The following PKD1 variants were observed in gnomAD, a reference collection of about 807,000 sequenced individuals.
PKD1 encodes polycystin-1.
Under a neutral mutation model 361.7 loss-of-function variants are expected in PKD1, and 81 were observed. The ratio of observed to expected loss-of-function variants is 0.22; its 90% CI spans 0.19 to 0.27. The LOEUF (loss-of-function observed/expected upper bound fraction) is 0.27, where lower values mean the gene tolerates loss of function less well. Among genes scored for constraint, PKD1 ranks in the 10% least tolerant of loss-of-function variants. The pLI is 1.00. For missense variants in PKD1, 6,399 were observed against 6,118.3 expected, an observed-to-expected ratio of 1.05 and a Z score of -1.53; for synonymous variants, 3,615 against 2,818.3, an observed-to-expected ratio of 1.28 and a Z score of -8.95.
At chr16:2,095,656 G>A (rs917098114) in intron 34 of PKD1, among the ~76,000 whole-genome samples, 1 of 152,232 alleles carries the variant, frequency 6.6e-6, no homozygotes, top group African/African-American at 2.4e-5. Flanking sequence ...GGAGGCTGCA[G>A]TGAGGAAGGA....
At position 2,090,995 on chromosome 16, in the gene PKD1, G is replaced by A. The variant is rs1596476496; in HGVS notation, c.11892C>T (p.Thr3964=). 1.3e-6 allele frequency: 2 copies of A among 1,535,456 alleles called. No individual in the cohort carries two copies. The highest frequency in any genetic ancestry group is 8.7e-7 in the Non-Finnish European group (1 of 1,146,546). The change falls in exon 43 of 46, where the codon ACC becomes ACT. Residue 3964 remains threonine, a synonymous_variant. Coordinates refer to ENST00000262304, the MANE Select transcript of PKD1 (RefSeq NM_001009944.3). The stretch of plus-strand genomic sequence containing the variant: ...GGCGCGGGCGGCCGCGCACGAAACG[G>A]GTCCACTGGCGGTCAGCGGCACCCA... ...AQLGAADRQW[T]RFVRGRPRRF... is the part of the protein sequence containing the mutation.
At chr16:2,097,265 T>C in intron 33 of PKD1, 24 bp from the exon 34 acceptor site, 1 of 1,602,192 alleles carries the variant, frequency 6.2e-7, no homozygotes, top group Non-Finnish European at 8.5e-7. Flanking sequence ...AGGCATAGGG[T>C]GGGCCCAGCT....
At chr16:2,125,224 GC>G (rs770237868) in intron 1 of PKD1, among the ~76,000 whole-genome samples, 12 of 152,220 alleles carry the variant, frequency 7.9e-5, no homozygotes, top group Non-Finnish European at 1.6e-4. Context: ...AAACAGTGCA[GC>G]CCCGGGCTGG....
At position 2,100,655 on chromosome 16, in the gene PKD1, C is replaced by T. The variant is rs1196609285; in HGVS notation, c.9398-89G>A. On this transcript the variant is annotated intron_variant, in intron 26 of 45. Transcript: ENST00000262304. The surrounding 1 kb of genome is among the most constrained non-coding windows in gnomAD (Gnocchi z 4.4). ...CAAGTCATCTCAGCTTTGGCCTGTG[C>T]GCACTCAAGGAGCCACACAGGCAGT... 3.8e-5 allele frequency: 45 copies of T among 1,181,298 alleles called. No individual in the cohort carries two copies. The highest frequency in any genetic ancestry group is 2.4e-4 in the South Asian group (19 of 78,988). 73.2% of individuals were successfully genotyped at this position (1,181,298 alleles called of 1,614,324 possible).
Position 2,114,328 on chromosome 16 carries a change from G to C in PKD1, c.2695C>G (p.Leu899Val), listed in dbSNP as rs754346831. 5.0e-5 allele frequency: 81 copies of C among 1,610,432 alleles called. No individual in the cohort carries two copies. The highest frequency in any genetic ancestry group is 2.2e-4 in the Middle Eastern group (1 of 4,452). ...TNDTLFSVVA[L>V]PWLSEGEHVV... Reference sequence around the variant, plus strand: ...TGCTCCCCCTCACTGAGCCACGGCAGTGCTACCACTGAGAACAGGGTATCG... The same window carrying C: ...TGCTCCCCCTCACTGAGCCACGGCACTGCTACCACTGAGAACAGGGTATCG... Residue 899 changes from leucine (L) to valine (V), a missense_variant, in exon 11 of 46, where the codon CTG (leucine) becomes GTG (valine). Leu to Val is a conservative substitution (Grantham distance 32). Transcript: ENST00000262304.
Position 2,109,547 on chromosome 16 carries a change from A to C in PKD1, c.5620T>G (p.Trp1874Gly). 4 of 1,611,494 alleles carry C rather than the reference A, an allele frequency of 2.5e-6. No individual in the cohort carries two copies. The highest frequency in any genetic ancestry group is 1.7e-4 in the Middle Eastern group (1 of 5,738). ...IRLNASNAVSWVSATYNLTAE... is the reference protein window; with the variant it reads ...IRLNASNAVSGVSATYNLTAE... Reference sequence around the variant, plus strand: ...GTGAGGTTGTACGTGGCTGAGACCCAGCTGACTGCGTTGGAGGCATTGAGC... The same window carrying C: ...GTGAGGTTGTACGTGGCTGAGACCCCGCTGACTGCGTTGGAGGCATTGAGC... Residue 1874 changes from tryptophan (W) to glycine (G), a missense_variant, in exon 15 of 46, where the codon TGG becomes GGG. Trp to Gly is a radical substitution (Grantham distance 184). Coordinates refer to ENST00000262304, the MANE Select transcript of PKD1 (RefSeq NM_001009944.3).
chr16:2,124,824 C>A (rs181588637), intron 1 of PKD1, among the ~76,000 whole-genome samples: 2 of 152,224 alleles, frequency 1.3e-5, no homozygotes, highest in East Asian at 3.9e-4. Flanking sequence ...GGGCCGCCTG[C>A]GGAGCTTATG....
chr16:2,132,974 G>C (rs564434615), intron 1 of PKD1: 1 of 151,642 alleles, frequency 6.6e-6, no homozygotes, highest in South Asian at 2.1e-4. Flanking sequence ...CCAGCTACTC[G>C]GGAGGCTGAG....
At chr16:2,091,358 G>C in intron 42 of PKD1, 65 bp downstream of exon 42, 1 of 918,292 alleles carries the variant, frequency 1.1e-6, no homozygotes, top group Non-Finnish European at 1.3e-6. Context: ...TGCCGGGGCG[G>C]GGCCCCGCGA....
Position 2,090,122 on chromosome 16 carries a change from G to A in PKD1, c.12517C>T (p.Pro4173Ser), listed in dbSNP as rs747648573. Residue 4173 changes from proline to serine, a missense_variant, in exon 46 of 46, where the codon CCG (proline) becomes TCG (serine). By Grantham distance (74) the Pro-to-Ser change is moderately conservative. Coordinates refer to ENST00000262304, the MANE Select transcript of PKD1 (RefSeq NM_001009944.3). ...CCAGCGCTGGGTGGGGGCACATCCG[G>A]GGATACCTTGGAGCCCCTGGAGGAG... is the stretch of plus-strand genomic sequence containing the variant. ...SRSSRGSKVS[P>S]DVPPPSAGSD... The A allele has an allele frequency of 1.1e-5, 18 of 1,599,712 alleles. No homozygotes were observed. In the Admixed American group the frequency reaches 2.4e-4, roughly 21 times the overall value.
Position 2,110,024 on chromosome 16 carries a change from C to T in PKD1, c.5143G>A (p.Val1715Met), listed in dbSNP as rs771150410. 25 of 1,610,502 alleles carry T rather than the reference C, an allele frequency of 1.6e-5. 1 individual carries two copies. The highest frequency in any genetic ancestry group is 9.9e-5 in the South Asian group (9 of 90,966). Residue 1715 changes from valine to methionine, a missense_variant, in exon 15 of 46, where the codon GTG becomes ATG. Val to Met is a conservative substitution (Grantham distance 21). Transcript: ENST00000262304. ...SAWADCTMDF[V>M]EPVGWLMVAA... ...ACCATCAGCCACCCCACAGGCTCCA[C>T]GAAGTCCATGGTGCAGTCGGCCCAG... is the stretch of plus-strand genomic sequence containing the variant.
intron 1 of PKD1, among the ~76,000 whole-genome samples, chr16:2,125,115 GCTC>G (rs1364623785): frequency 1.3e-5 from 2 of 152,260 alleles, no homozygotes; most frequent in Non-Finnish European, 2.9e-5. Context: ...TCTGCGCTGT[GCTC>G]CTTTCTATTT....
In PKD1 at chr16:2,090,011, G is replaced by A. The variant is rs1310339354; in HGVS notation, c.12628C>T (p.Pro4210Ser). Residue 4210 changes from proline to serine, a missense_variant, in exon 46 of 46, where the codon CCT becomes TCT. Transcript: ENST00000262304. ...ACGGCTTGGAGGCGGGAGGGCTCAG[G>A]CTCACACCTTGTCCCCAGCCGGCCC... ...SLGRLGTRCE[P>S]EPSRLQAVFE... 2.3e-5 allele frequency: 37 copies of A among 1,609,982 alleles called. No individual in the cohort carries two copies. In the Admixed American group the frequency reaches 6.2e-4, roughly 27 times the overall value.
At position 2,100,006 on chromosome 16, in the gene PKD1, T is replaced by C; in HGVS notation, c.9778A>G (p.Lys3260Glu). 2.5e-6 allele frequency: 4 copies of C among 1,570,212 alleles called. No homozygotes were observed. Among genetic ancestry groups the C allele is most frequent in the Non-Finnish European group, 2.6e-6 (3 of 1,159,400 alleles). ...TCCCATATGGAGAGCCAGATGTGCT[T>C]GTCAAAGAAGCCACGCTGCAGCTCA... Reference protein sequence around the residue: ...VAELQRGFFDKHIWLSIWDRP... With the variant: ...VAELQRGFFDEHIWLSIWDRP... The change falls in exon 29 of 46, where the codon AAG (lysine) becomes GAG (glutamate). Residue 3260 changes from lysine (K) to glutamate (E), a missense_variant. By Grantham distance (56) the Lys-to-Glu change is moderately conservative (BLOSUM62 1). Coordinates refer to ENST00000262304, the MANE Select transcript of PKD1 (RefSeq NM_001009944.3). This position sits in a 1 kb window ranked among gnomAD's most constrained non-coding sequence, Gnocchi z 4.4.
Position 2,090,609 on chromosome 16 carries a change from C to G in PKD1, c.12139-19G>C, listed in dbSNP as rs764835820. The G allele has an allele frequency of 6.2e-7, 1 of 1,608,706 alleles. No homozygotes were observed. The stretch of plus-strand genomic sequence containing the variant: ...ACACGAGCTGCGGGGAAGGCGACAC[C>G]AGTGAGGGCGTACAGCTGAGCTGAG... On this transcript the variant is annotated intron_variant, in intron 44 of 45. Transcript: ENST00000262304.
Position 2,090,102 on chromosome 16 carries a change from G to A in PKD1, c.12537C>T (p.Ser4179=), listed in dbSNP as rs775922660. The A allele has an allele frequency of 2.5e-6, 4 of 1,605,152 alleles. No homozygotes were observed. The East Asian group carries it at 6.7e-5, about 27-fold the overall frequency. The part of the protein sequence containing the change: ...SKVSPDVPPP[S]AGSDASHPST... ...AGGGGTGCGAGGCATCGGAGCCAGC[G>A]CTGGGTGGGGGCACATCCGGGGATA... Residue 4179 remains serine, a synonymous_variant, in exon 46 of 46, where the codon AGC becomes AGT. Transcript: ENST00000262304.
rs1332256034 is a variant in PKD1, at chr16:2,118,418, C to T, written c.574G>A (p.Val192Met). The change falls in exon 5 of 46, where the codon GTG (valine) becomes ATG (methionine). Residue 192 changes from valine (V) to methionine (M), a missense_variant. Transcript: ENST00000262304. The surrounding 1 kb of genome is among the most constrained non-coding windows in gnomAD (Gnocchi z 6.0). ...ACLPDNSSGT[V>M]AAVSFSAAHE... ...GCAGCTGAAAAGGACACTGCTGCCA[C>T]GGTGCCTGAGCTGTTGTCAGGGAGG... 5 of 1,232,210 alleles carry T rather than the reference C, an allele frequency of 4.1e-6. No individual in the cohort carries two copies. The highest frequency in any genetic ancestry group is 2.5e-5 in the East Asian group (1 of 39,582). The allele number at this position is 1,232,210 out of a possible 1,614,324, so 76.3% of individuals were successfully genotyped here.
At position 2,088,768 on chromosome 16, in the gene PKD1, C is replaced by A; in HGVS notation, c.*959G>T. ...CTTGGTGCGGGGGTTGGGGGGGTGTCGAGGCTCTAGAAGCGGCCATGCCCA... is the reference window on the plus strand; with the variant it reads ...CTTGGTGCGGGGGTTGGGGGGGTGTAGAGGCTCTAGAAGCGGCCATGCCCA... On this transcript the variant is annotated 3_prime_UTR_variant, in exon 46 of 46. Transcript: ENST00000262304. 2 of 1,069,414 alleles carry A rather than the reference C, an allele frequency of 1.9e-6. No homozygotes were observed. Among genetic ancestry groups the A allele is most frequent in the Non-Finnish European group, 2.6e-6 (2 of 756,380 alleles). The allele number at this position is 1,069,414 out of a possible 1,614,324, so 66.2% of individuals were successfully genotyped here.
Position 2,100,498 on chromosome 16 carries a change from C to T in PKD1, c.9466G>A (p.Gly3156Ser), listed in dbSNP as rs772697771. The change falls in exon 27 of 46, where the codon GGC becomes AGC. Residue 3156 changes from glycine (G) to serine (S), a missense_variant. Physicochemically the swap from Gly to Ser is moderately conservative, Grantham distance 56. Transcript: ENST00000262304. This position sits in a 1 kb window ranked among gnomAD's most constrained non-coding sequence, Gnocchi z 4.4. ...CTGTTGCGGTGGAAGGCTCTGTCGC[C>T]GTCCAGGTGCCGGTGGCCGCTCCGG... is the stretch of plus-strand genomic sequence containing the variant. ...DSRSGHRHLD[G>S]DRAFHRNSLD... 8.7e-6 allele frequency: 14 copies of T among 1,610,432 alleles called. No individual in the cohort carries two copies. The highest frequency in any genetic ancestry group is 5.5e-5 in the South Asian group (5 of 90,992).
Sources: allele counts gnomAD v4.1 joint callset (sites outside exome capture counted in the v4.1 genomes callset), GRCh38; gene constraint gnomAD v4.1.1; non-coding constraint Gnocchi (gnomAD v3.1); transcripts MANE v1.5; gene names NCBI Gene and HGNC (gene_info 2026-07-23, HGNC 2026-07-21).